VSTM4: variants seen among roughly 807,000 people sequenced by gnomAD.
VSTM4 encodes V-set and transmembrane domain-containing protein 4.
In VSTM4, 20 loss-of-function variants were observed where a neutral mutation model predicts 36.4. The observed-to-expected ratio is 0.55, with a 90% CI of 0.39 to 0.80. The LOEUF (loss-of-function observed/expected upper bound fraction) is 0.80, where lower values mean the gene tolerates loss of function less well. VSTM4 is among the 30% of genes least tolerant of loss of function. VSTM4 has a pLI of 0.00. For missense variants in VSTM4, 392 were observed against 404.5 expected, an observed-to-expected ratio of 0.97 and a Z score of 0.26; for synonymous variants, 182 against 173.9, an observed-to-expected ratio of 1.05 and a Z score of -0.37.
At position 49,064,554 on chromosome 10, in the gene VSTM4, G is replaced by A. The variant is rs907816011; in HGVS notation, c.668+149C>T. ...CTGTAGACCTTGGAAACATGCAAAT[G>A]CATGCAGGATACACATTTGCAGGCA... On this transcript the variant is annotated intron_variant, in intron 5 of 7. Coordinates refer to ENST00000332853, the MANE Select transcript of VSTM4 (RefSeq NM_001031746.5). 5.7e-6 allele frequency: 5 copies of A among 874,442 alleles called. No individual in the cohort carries two copies. The African/African-American group carries it at 6.9e-5, about 12-fold the overall frequency. The allele number at this position is 874,442 out of a possible 1,614,324, so 54.2% of individuals were successfully genotyped here. A position where few individuals can be genotyped will look rare whatever the true frequency, so the allele number is the denominator to read the frequency against.
intron 7 of VSTM4, among the ~76,000 whole-genome samples, chr10:49,027,939 A>C (rs571418263): frequency 6.6e-6 from 1 of 152,312 alleles, no homozygotes; most frequent in African/African-American, 2.4e-5. Flanking sequence ...TCCAGAGTAA[A>C]TACCCAGGAG....
intron 4 of VSTM4, among the ~76,000 whole-genome samples, chr10:49,069,966 A>C (rs1844043568): frequency 7.9e-6 from 1 of 126,588 alleles, no homozygotes; most frequent in South Asian, 2.4e-4. Context: ...AAAAAAAGAA[A>C]TATCGGCCGG....
chr10:49,052,427 T>A (rs549386601), intron 5 of VSTM4, among the ~76,000 whole-genome samples: 1 of 103,182 alleles, frequency 9.7e-6, no homozygotes, highest in South Asian at 3.6e-4. Flanking sequence ...CTTCTCTTGA[T>A]TTAGGATTTT....
chr10:49,077,208 T>G lies in VSTM4; in HGVS notation c.634+11A>C. The G allele has an allele frequency of 1.2e-6, 2 of 1,613,370 alleles. No homozygotes were observed. The highest frequency in any genetic ancestry group is 4.5e-5 in the East Asian group (2 of 44,876). Reference sequence around the variant, plus strand: ...CTCCCATCCCAGACATGACCTTATCTGTTTTCTTACCTCTGGATTTCCGCT... The same window carrying G: ...CTCCCATCCCAGACATGACCTTATCGGTTTTCTTACCTCTGGATTTCCGCT... On this transcript the variant is annotated intron_variant, in intron 4 of 7. Transcript: ENST00000332853.
rs60331829 is a variant in VSTM4, at chr10:49,035,254, T to A, written c.837+11729A>T. Among the ~76,000 whole-genome samples, 746 of 152,260 alleles carry A rather than the reference T, an allele frequency of 4.9e-3. 7 individuals are homozygous for A. The highest frequency in any genetic ancestry group is 0.017 in the African/African-American group (718 of 41,550). ...TGACTCCCAGGCTCATGCTCCCACC[T>A]CTCTGGCACCTTGCCCCCTGCCTAT... On this transcript the variant is annotated intron_variant, in intron 7 of 7. Coordinates refer to ENST00000332853, the MANE Select transcript of VSTM4 (RefSeq NM_001031746.5).
intron 7 of VSTM4, 112 bp from the exon 8 acceptor site, chr10:49,019,887 G>A: frequency 7.4e-7 from 1 of 1,353,808 alleles, no homozygotes; most frequent in Admixed American, 2.7e-5. Flanking sequence ...TTCAGCGAGG[G>A]ATAAGTGGAC....
intron 5 of VSTM4, among the ~76,000 whole-genome samples, chr10:49,049,659 A>C (rs1369469017): frequency 6.6e-6 from 1 of 152,232 alleles, no homozygotes; most frequent in African/African-American, 2.4e-5. Flanking sequence ...GGTTGGAAAC[A>C]GGCAGTTTTT....
rs1230921170 is a variant in VSTM4, at chr10:49,107,754, C to T, written c.297G>A (p.Leu99=). The change falls in exon 2 of 8, where the codon CTG becomes CTA. Residue 99 remains leucine, a synonymous_variant. Transcript: ENST00000332853. ...CCCCCCGCTGCTCCTCCAGCAGGCG[C>T]AGCCTCCGCCGTTTGGCGCTGCGGC... The part of the protein sequence containing the change: ...NFSRSAKRRR[L]RLLEEQRGAL... The T allele has an allele frequency of 2.5e-6, 4 of 1,614,126 alleles. No individual in the cohort carries two copies. Among genetic ancestry groups the T allele is most frequent in the African/African-American group, 1.3e-5 (1 of 74,960 alleles).
intron 2 of VSTM4, chr10:49,103,836 CT>C (rs1564596383): frequency 6.2e-7 from 1 of 1,614,082 alleles, no homozygotes; most frequent in Admixed American, 1.7e-5. Flanking sequence ...AAAAGCTCCC[CT>C]CTCCACTGGA....
chr10:49,048,522 C>T lies in VSTM4; in HGVS notation c.731G>A (p.Arg244Lys), dbSNP rs1206080029. ...AGGAATGTCAGGCTTCTCCTTCTGC[C>T]TCTTGCCCTTCTTGGGCTGTAGTGG... is the stretch of plus-strand genomic sequence containing the variant. Reference protein sequence around the residue: ...LAPLQPKKGKRQKEKPDIPPA... With the variant: ...LAPLQPKKGKKQKEKPDIPPA... The change falls in exon 6 of 8, where the codon AGG becomes AAG. Residue 244 changes from arginine (R) to lysine (K), a missense_variant. Transcript: ENST00000332853. 2 of 1,600,540 alleles carry T rather than the reference C, an allele frequency of 1.2e-6. No individual in the cohort carries two copies. Among genetic ancestry groups the T allele is most frequent in the Non-Finnish European group, 1.7e-6 (2 of 1,174,826 alleles).
At chr10:49,031,106 T>C (rs1335125768) in intron 7 of VSTM4, among the ~76,000 whole-genome samples, 1 of 152,248 alleles carries the variant, frequency 6.6e-6, no homozygotes, top group Non-Finnish European at 1.5e-5. Flanking sequence ...TTTGGTTATC[T>C]ACTTCAACAT....
chr10:49,088,134 G>A (rs572665991), intron 2 of VSTM4, among the ~76,000 whole-genome samples: 1 of 152,044 alleles, frequency 6.6e-6, no homozygotes, highest in African/African-American at 2.4e-5. Flanking sequence ...TTCTCAGGAG[G>A]AGGGCTTTGC....
intron 1 of VSTM4, 47 bp downstream of exon 1, chr10:49,115,384 G>C: frequency 1.0e-6 from 1 of 998,078 alleles, no homozygotes; most frequent in Non-Finnish European, 1.2e-6. Context: ...CGGCGCGGCC[G>C]CCCGGCCCCC....
chr10:49,023,870 CA>C (rs2131931834), intron 7 of VSTM4, among the ~76,000 whole-genome samples: 1 of 152,262 alleles, frequency 6.6e-6, no homozygotes, highest in South Asian at 2.1e-4. Flanking sequence ...TGTCTATTCA[CA>C]AACACTCTTA....
rs191748243 is a variant in VSTM4, at chr10:49,091,000, G to A, written c.458-4977C>T. Among the ~76,000 whole-genome samples the A allele has an allele frequency of 1.3e-3, 180 of 141,212 alleles. 1 individual carries two copies. Among genetic ancestry groups the A allele is most frequent in the Admixed American group, 2.3e-3 (33 of 14,388 alleles). 92.6% of individuals were successfully genotyped at this position (141,212 alleles called of 152,430 possible). ...AGGCATGTAGTCCCCATGCTGGGGTGGGGGGTGGGGAAAGGCGAACAGGCA... is the reference window on the plus strand; with the variant it reads ...AGGCATGTAGTCCCCATGCTGGGGTAGGGGGTGGGGAAAGGCGAACAGGCA... On this transcript the variant is annotated intron_variant, in intron 2 of 7. Transcript: ENST00000332853.
At position 49,028,035 on chromosome 10, in the gene VSTM4, C is replaced by T. The variant is rs188059124; in HGVS notation, c.838-8260G>A. Among the ~76,000 whole-genome samples, 5 of 152,336 alleles carry T rather than the reference C, an allele frequency of 3.3e-5. No homozygotes were observed. In the East Asian group the frequency reaches 9.6e-4, roughly 29 times the overall value. On this transcript the variant is annotated intron_variant, in intron 7 of 7. Coordinates refer to ENST00000332853, the MANE Select transcript of VSTM4 (RefSeq NM_001031746.5). ...CAGGGTGGACCATTTTGCCCTCCCA[C>T]CTGCAAAGCATGAGCGTTTCAATTG...
At chr10:49,073,116 T>C (rs145710483) in intron 4 of VSTM4, among the ~76,000 whole-genome samples, 12 of 152,332 alleles carry the variant, frequency 7.9e-5, no homozygotes, top group Admixed American at 4.6e-4. Context: ...ATTTTTGTTA[T>C]TAAATTTCAT....
intron 7 of VSTM4, among the ~76,000 whole-genome samples, chr10:49,034,468 C>T (rs906339921): frequency 3.9e-5 from 6 of 152,124 alleles, no homozygotes; most frequent in African/African-American, 2.4e-5. Context: ...AACACTCTCA[C>T]GATAAATTTA....
At chr10:49,108,089 A>G in intron 1 of VSTM4, 94 bp from the exon 2 acceptor site, 1 of 1,436,436 alleles carries the variant, frequency 7.0e-7, no homozygotes, top group Non-Finnish European at 9.2e-7. Flanking sequence ...GCCTCCACGC[A>G]CTGGGCATCC....
Sources: allele counts gnomAD v4.1 joint callset (sites outside exome capture counted in the v4.1 genomes callset), GRCh38; gene constraint gnomAD v4.1.1; transcripts MANE v1.5; gene names NCBI Gene and HGNC (gene_info 2026-07-23, HGNC 2026-07-21).